FLT3: variants seen among roughly 807,000 people sequenced by gnomAD.
FLT3 encodes receptor-type tyrosine-protein kinase FLT3.
In FLT3, 46 loss-of-function variants were observed where a neutral mutation model predicts 126.6. That is an observed-to-expected ratio of 0.36 (90% CI 0.29 to 0.46). FLT3 has a LOEUF of 0.46. Ranked by LOEUF, FLT3 falls within the 20% of genes least tolerant of loss-of-function variation. The pLI is 1.00. For missense variants in FLT3, 1,069 were observed against 1,190.3 expected, an observed-to-expected ratio of 0.90 and a Z score of 1.50; for synonymous variants, 404 against 434.4, an observed-to-expected ratio of 0.93 and a Z score of 0.87.
intron 4 of FLT3, among the ~76,000 whole-genome samples, chr13:28,053,767 A>AT (rs56667135): frequency 0.8 from 118,930 of 149,030 alleles, 47,370 homozygotes; most frequent in East Asian, 0.97. Flanking sequence ...TACTTTATTC[A>AT]TTTTTTTTTT....
intron 23 of FLT3, among the ~76,000 whole-genome samples, chr13:28,010,292 G>A (rs1871247148): frequency 6.6e-6 from 1 of 152,222 alleles, no homozygotes; most frequent in East Asian, 1.9e-4. Context: ...AAGATGAACA[G>A]GAAACAGTAT....
intron 12 of FLT3, among the ~76,000 whole-genome samples, 154 bp from the exon 13 acceptor site, chr13:28,034,561 A>C (rs1412065050): frequency 1.3e-5 from 2 of 152,220 alleles, no homozygotes; most frequent in African/African-American, 4.8e-5. Context: ...CCCCACAGAC[A>C]ATCAGGCAAT....
chr13:28,073,409 C>T (rs1877703252), intron 1 of FLT3: 2 of 443,416 alleles, frequency 4.5e-6, no homozygotes, highest in East Asian at 6.4e-5. Flanking sequence ...TAGATAGCGA[C>T]AGGAGGTAAT....
At chr13:28,066,426 G>T (rs9513018) in intron 2 of FLT3, among the ~76,000 whole-genome samples, 80,158 of 151,896 alleles carry the variant, frequency 0.53, 22,239 homozygotes, top group East Asian at 0.78. Flanking sequence ...AATTCCAGGG[G>T]TAAGGCAAGA....
chr13:28,037,361 A>T (rs1443118024), intron 9 of FLT3, 73 bp from the exon 10 acceptor site: 1 of 868,504 alleles, frequency 1.2e-6, no homozygotes, highest in Non-Finnish European at 1.9e-6. Flanking sequence ...GACAGTGTGC[A>T]TGGGAGGTGT....
chr13:28,061,282 G>A (rs780437078), intron 3 of FLT3, among the ~76,000 whole-genome samples: 3 of 151,886 alleles, frequency 2.0e-5, no homozygotes, highest in Non-Finnish European at 2.9e-5. Flanking sequence ...CTTTAACCTG[G>A]GAAACAGAAG....
intron 2 of FLT3, among the ~76,000 whole-genome samples, chr13:28,069,601 T>C (rs1444153495): frequency 6.6e-6 from 1 of 152,102 alleles, no homozygotes; most frequent in Non-Finnish European, 1.5e-5. Context: ...AGGCCCTCTG[T>C]AACCATGGGT....
chr13:28,097,842 C>T (rs1052410126), intron 1 of FLT3, among the ~76,000 whole-genome samples: 28 of 152,134 alleles, frequency 1.8e-4, no homozygotes, highest in African/African-American at 6.5e-4. Flanking sequence ...CAGTTCAAGG[C>T]TTTGAATACG....
chr13:28,065,353 C>T (rs12585779), intron 2 of FLT3, among the ~76,000 whole-genome samples: 111,966 of 151,994 alleles, frequency 0.74, 41,731 homozygotes, highest in East Asian at 0.82. Context: ...ATTAAACCAA[C>T]CAGGAGGGTC....
chr13:28,004,532 CTGGGCTCAAG>C (rs1870710089), intron 23 of FLT3, among the ~76,000 whole-genome samples: 2 of 152,100 alleles, frequency 1.3e-5, no homozygotes, highest in Non-Finnish European at 1.5e-5. Context: ...TCTCAAACTC[CTGGGCTCAAG>C]TGATCCCACA....
At chr13:28,013,751 G>C (rs1277000039) in intron 23 of FLT3, among the ~76,000 whole-genome samples, 1 of 152,154 alleles carries the variant, frequency 6.6e-6, no homozygotes, top group Non-Finnish European at 1.5e-5. Flanking sequence ...CAGAACTCCA[G>C]GTCAATGCTC....
intron 1 of FLT3, among the ~76,000 whole-genome samples, chr13:28,072,090 G>GCAGTGTACATCATATATTCA (rs1475681654): frequency 2.6e-5 from 4 of 151,132 alleles, no homozygotes; most frequent in African/African-American, 7.3e-5. Context: ...AATAAAAATT[G>GCAGTGTACATCATATATTCA]CAGTGTACAT....
chr13:28,088,626 C>A (rs1878837880), intron 1 of FLT3, among the ~76,000 whole-genome samples: 1 of 138,048 alleles, frequency 7.2e-6, no homozygotes, highest in Non-Finnish European at 1.5e-5. Context: ...CACACTGTCA[C>A]CTGGGCTGGA....
rs560382605 is a variant in FLT3, at chr13:28,015,330, C to T, written c.2654-74G>A. 1.3e-4 allele frequency: 137 copies of T among 1,019,756 alleles called. 1 individual carries two copies. Among genetic ancestry groups the T allele is most frequent in the Admixed American group, 1.2e-3 (61 of 51,924 alleles). 63.2% of individuals were successfully genotyped at this position (1,019,756 alleles called of 1,614,324 possible). The stretch of plus-strand genomic sequence containing the variant: ...GTTTATTGATTCATTCAATTAAACA[C>T]GTATTGAGATCTGCCATGTGCCAGA... On this transcript the variant is annotated intron_variant, in intron 21 of 23. Transcript: ENST00000241453.
Position 28,024,890 on chromosome 13 carries a change from CCTG to C in FLT3, c.2258_2260del (p.Ser753_Gly754delinsTrp), listed in dbSNP as rs781482511. The C allele has an allele frequency of 6.2e-7, 1 of 1,610,728 alleles. No homozygotes were observed. The highest frequency in any genetic ancestry group is 8.5e-7 in the Non-Finnish European group (1 of 1,178,080). The stretch of plus-strand genomic sequence containing the variant: ...AGAGTGAAATGAATTCCCATGAAGC[CCTG>C]AGATTTGATCCGAGTCCGGGTGTAT... On this transcript the variant is annotated inframe_deletion, in exon 18 of 24. Transcript: ENST00000241453.
intron 5 of FLT3, among the ~76,000 whole-genome samples, chr13:28,050,843 A>T (rs1329958314): frequency 5.5e-5 from 1 of 18,248 alleles, no homozygotes; most frequent in African/African-American, 7.8e-5. Flanking sequence ...GTCCTATTTT[A>T]AAAAAAAAAA....
chr13:28,035,819 G>C (rs554100402), intron 11 of FLT3, 116 bp downstream of exon 11: 1 of 1,202,380 alleles, frequency 8.3e-7, no homozygotes, highest in East Asian at 2.3e-5. Flanking sequence ...GGTTGATTGA[G>C]AAGGTTAGCA....
intron 1 of FLT3, among the ~76,000 whole-genome samples, chr13:28,094,804 T>C (rs1879351747): frequency 6.6e-6 from 1 of 152,172 alleles, no homozygotes; most frequent in Admixed American, 6.5e-5. Flanking sequence ...CTCTGCCTAC[T>C]TTTATATTAT....
At chr13:28,048,489 AG>A in intron 8 of FLT3, 46 bp from the exon 9 acceptor site, 1 of 1,251,648 alleles carries the variant, frequency 8.0e-7, no homozygotes, top group Admixed American at 1.9e-5. Flanking sequence ...TAATATTCAT[AG>A]GGAAACGTAT....
Sources: gnomAD v4.1 joint callset for allele counts (sites outside exome capture counted in the v4.1 genomes callset) on GRCh38, gnomAD v4.1.1 for gene constraint, MANE v1.5 for transcripts, NCBI Gene and HGNC (gene_info 2026-07-23, HGNC 2026-07-21) for gene names.